Variants in STK32A observed in about 807,000 individuals in gnomAD.
STK32A encodes the protein serine/threonine kinase 32A, also known as serine/threonine-protein kinase 32A.
STK32A carries 41 observed loss-of-function variants against 53.2 expected under a neutral mutation model. That is an observed-to-expected ratio of 0.77 (90% confidence interval 0.60 to 1.00). The LOEUF (loss-of-function observed/expected upper bound fraction) is 1.00. Among genes scored for constraint, STK32A ranks in the 50% least tolerant of loss-of-function variants. The pLI, the probability that STK32A is intolerant of heterozygous loss-of-function variation, is 0.00. For missense variants in STK32A, 458 were observed against 485.8 expected (o/e 0.94, Z 0.54); for synonymous variants, 166 against 162.8 (o/e 1.02, Z -0.15).
intron 2 of STK32A, among the ~76,000 whole-genome samples, chr5:147,263,380 C>T (rs773237020): frequency 4.6e-5 from 7 of 152,208 alleles, no homozygotes; most frequent in Non-Finnish European, 7.3e-5. Context: ...GGTCTCCACA[C>T]TTAAATATGA....
chr5:147,305,525 G>A (rs187193863), intron 4 of STK32A, among the ~76,000 whole-genome samples: 1 of 152,272 alleles, frequency 6.6e-6, no homozygotes, highest in East Asian at 1.9e-4. Flanking sequence ...GCTGTCTCCT[G>A]TCTCTATCAA....
chr5:147,375,080 T>C lies in STK32A; in HGVS notation c.904-10T>C, dbSNP rs763907003. ...TAATCTGAGGATTGAGCCAACTGTC[T>C]TCCTTGCAGAAAGGCAGGCTGAATT... On this transcript the variant is annotated splice_polypyrimidine_tract_variant and intron_variant, in intron 10 of 12. Coordinates refer to ENST00000397936, the MANE Select transcript of STK32A (RefSeq NM_001112724.2). 1 of 1,596,564 alleles carries C rather than the reference T, an allele frequency of 6.3e-7. No individual in the cohort carries two copies. Among genetic ancestry groups the C allele is most frequent in the Non-Finnish European group, 8.5e-7 (1 of 1,174,126 alleles).
chr5:147,361,573 T>G lies in STK32A; in HGVS notation c.619T>G (p.Trp207Gly). The G allele has an allele frequency of 6.2e-7, 1 of 1,613,564 alleles. No homozygotes were observed. Among genetic ancestry groups the G allele is most frequent in the Non-Finnish European group, 8.5e-7 (1 of 1,179,742 alleles). The stretch of plus-strand genomic sequence containing the variant: ...AGGCTATTCCTTTGCTGTTGACTGG[T>G]GGTCCCTGGGAGTGACGGCATATGA... ...GAGYSFAVDW[W>G]SLGVTAYELL... is the part of the protein sequence containing the mutation. Residue 207 changes from tryptophan (W) to glycine (G), a missense_variant, in exon 8 of 13, where the codon TGG (tryptophan) becomes GGG (glycine). Coordinates refer to ENST00000397936, the MANE Select transcript of STK32A (RefSeq NM_001112724.2).
At chr5:147,279,218 C>A (rs1259719124) in intron 3 of STK32A, 29 bp from the exon 4 acceptor site, 2 of 1,585,238 alleles carry the variant, frequency 1.3e-6, no homozygotes, top group African/African-American at 1.3e-5. Context: ...TCTCCCTAAT[C>A]ACTCTCTCAC....
intron 4 of STK32A, among the ~76,000 whole-genome samples, chr5:147,299,918 A>G (rs1253690903): frequency 1.3e-5 from 2 of 152,126 alleles, no homozygotes; most frequent in African/African-American, 2.4e-5. Context: ...TGGGGATATG[A>G]CTGAAGTCCC....
chr5:147,279,314 G>A lies in STK32A; in HGVS notation c.176G>A (p.Cys59Tyr). 6.2e-7 allele frequency: 1 copy of A among 1,613,956 alleles called. No homozygotes were observed. The highest frequency in any genetic ancestry group is 8.5e-7 in the Non-Finnish European group (1 of 1,179,858). Residue 59 changes from cysteine to tyrosine, a missense_variant, in exon 4 of 13, where the codon TGC (cysteine) becomes TAC (tyrosine). Transcript: ENST00000397936. ...YAMKYMNKQK[C>Y]VERNEVRNVF... The stretch of plus-strand genomic sequence containing the variant: ...ATGAAGTACATGAATAAACAAAAGT[G>A]CGTGGAGCGCAATGAAGTGAGAAAT...
At chr5:147,304,087 G>A (rs1255706589) in intron 4 of STK32A, among the ~76,000 whole-genome samples, 1 of 152,188 alleles carries the variant, frequency 6.6e-6, no homozygotes, top group African/African-American at 2.4e-5. Flanking sequence ...ACAAAGATTA[G>A]GGACAAAGGG....
At chr5:147,262,598 C>T (rs114256365) in intron 2 of STK32A, among the ~76,000 whole-genome samples, 23 of 76,128 alleles carry the variant, frequency 3.0e-4, no homozygotes, top group Non-Finnish European at 5.4e-4. Context: ...AAAAACAAAA[C>T]AAAACAAAAA....
Position 147,383,193 on chromosome 5 carries a change from C to G in STK32A, c.1033-248C>G, listed in dbSNP as rs1450799933. 7.9e-6 allele frequency: 4 copies of G among 508,896 alleles called. No individual in the cohort carries two copies. In the African/African-American group the frequency reaches 8.1e-5, roughly 10 times the overall value. 31.5% of individuals were successfully genotyped at this position (508,896 alleles called of 1,614,324 possible). ...CAAGCTTTCAATAGACTCCAGAGTT[C>G]TAAAATAGTGACATTAGACAGATTC... is the stretch of plus-strand genomic sequence containing the variant. On this transcript the variant is annotated intron_variant, in intron 11 of 12. Transcript: ENST00000397936.
chr5:147,384,317 T>C lies in STK32A; in HGVS notation c.*334T>C. The C allele has an allele frequency of 7.0e-7, 1 of 1,429,910 alleles. No homozygotes were observed. Among genetic ancestry groups the C allele is most frequent in the South Asian group, 1.5e-5 (1 of 68,294 alleles). 88.6% of individuals were successfully genotyped at this position (1,429,910 alleles called of 1,614,324 possible). The stretch of plus-strand genomic sequence containing the variant: ...TGTTATTCTAAACCGCCTTTATTTT[T>C]ATTTTAAAATTAATATATGAATATA... On this transcript the variant is annotated 3_prime_UTR_variant, in exon 13 of 13. Coordinates refer to ENST00000397936, the MANE Select transcript of STK32A (RefSeq NM_001112724.2).
chr5:147,266,679 C>G (rs1754826714), intron 2 of STK32A, among the ~76,000 whole-genome samples: 1 of 152,122 alleles, frequency 6.6e-6, no homozygotes. Context: ...ATTCTTGGCA[C>G]TGTTGGTCCT....
At chr5:147,382,601 T>C (rs574552405) in intron 11 of STK32A, among the ~76,000 whole-genome samples, 2 of 152,242 alleles carry the variant, frequency 1.3e-5, no homozygotes, top group African/African-American at 4.8e-5. Flanking sequence ...TTGTTATTGT[T>C]TTTATTTTTA....
At chr5:147,358,526 C>A (rs1038079117) in intron 7 of STK32A, among the ~76,000 whole-genome samples, 2 of 152,072 alleles carry the variant, frequency 1.3e-5, no homozygotes, top group African/African-American at 4.8e-5. Flanking sequence ...CTGAAAATAA[C>A]CCAAATGGCT....
At position 147,386,575 on chromosome 5, in the gene STK32A, G is replaced by A. The variant is rs1757650245; in HGVS notation, c.*2592G>A. Reference sequence around the variant, plus strand: ...ACACGTATACATTTATGATGGGATGGGAACCCGATACAATCTCTGTAGGCT... The same window carrying A: ...ACACGTATACATTTATGATGGGATGAGAACCCGATACAATCTCTGTAGGCT... On this transcript the variant is annotated 3_prime_UTR_variant, in exon 13 of 13. Transcript: ENST00000397936. 1 of 152,138 alleles carries A rather than the reference G, an allele frequency of 6.6e-6. No homozygotes were observed. The highest frequency in any genetic ancestry group is 2.4e-5 in the African/African-American group (1 of 41,424). The allele number at this position is 152,138 out of a possible 1,614,324, so 9.4% of individuals were successfully genotyped here. A position where few individuals can be genotyped will look rare whatever the true frequency, so the allele number is the denominator to read the frequency against.
At chr5:147,295,321 T>G (rs1010236833) in intron 4 of STK32A, among the ~76,000 whole-genome samples, 9 of 152,244 alleles carry the variant, frequency 5.9e-5, no homozygotes, top group African/African-American at 2.2e-4. Flanking sequence ...ATTTAGTTTA[T>G]TCATTCTTAA....
chr5:147,353,808 C>G (rs1357221394), intron 7 of STK32A, among the ~76,000 whole-genome samples: 1 of 151,988 alleles, frequency 6.6e-6, no homozygotes, highest in Non-Finnish European at 1.5e-5. Context: ...TCATGCTTTA[C>G]CCTAATTAGT....
intron 3 of STK32A, 140 bp downstream of exon 3, chr5:147,278,319 T>G (rs993394977): frequency 1.4e-5 from 10 of 737,400 alleles, no homozygotes; most frequent in African/African-American, 3.5e-5. Flanking sequence ...AATGGATTTT[T>G]ATAAAATTGT....
chr5:147,241,608 C>A (rs1159150721), intron 2 of STK32A, among the ~76,000 whole-genome samples: 1 of 152,174 alleles, frequency 6.6e-6, no homozygotes, highest in Non-Finnish European at 1.5e-5. Flanking sequence ...TTCATAGGAA[C>A]TTTGAAATTA....
At chr5:147,337,728 G>A (rs1165169194) in intron 5 of STK32A, among the ~76,000 whole-genome samples, 2 of 152,114 alleles carry the variant, frequency 1.3e-5, no homozygotes, top group Admixed American at 6.6e-5. Context: ...GGGGTTGAGA[G>A]AATGAAGCAT....
Sources: gnomAD v4.1 joint callset for allele counts (sites outside exome capture counted in the v4.1 genomes callset) on GRCh38, gnomAD v4.1.1 for gene constraint, MANE v1.5 for transcripts, NCBI Gene and HGNC (gene_info 2026-07-23, HGNC 2026-07-21) for gene names.